The following MALRD1 variants were observed in gnomAD, a reference collection of about 807,000 sequenced individuals.
The protein encoded by MALRD1 is MAM and LDL-receptor class A domain-containing protein 1.
In MALRD1, 247 loss-of-function variants were observed where a neutral mutation model predicts 242.1. The observed-to-expected ratio is 1.02, with a 90% CI of 0.92 to 1.13. The LOEUF (loss-of-function observed/expected upper bound fraction) is 1.13, where lower values mean the gene tolerates loss of function less well. MALRD1 is among the 50% of genes most tolerant of loss of function. The pLI is 0.00. For missense variants in MALRD1, 2,989 were observed against 2,533.1 expected (o/e 1.18, Z -3.86); for synonymous variants, 995 against 866.6 (o/e 1.15, Z -2.60).
At chr10:19,081,879 C>T (rs188452205) in intron 2 of MALRD1, among the ~76,000 whole-genome samples, 2 of 152,034 alleles carry the variant, frequency 1.3e-5, no homozygotes, top group Non-Finnish European at 2.9e-5. Context: ...TTACTTTTAA[C>T]CTTTTTCTGT....
At chr10:19,516,296 T>C (rs969716292) in intron 31 of MALRD1, among the ~76,000 whole-genome samples, 21 of 152,230 alleles carry the variant, frequency 1.4e-4, no homozygotes, top group African/African-American at 4.8e-4. Flanking sequence ...CTCATTTTTT[T>C]CAGCCAATGT....
chr10:19,513,600 G>C (rs556649607), intron 31 of MALRD1, among the ~76,000 whole-genome samples: 1 of 151,928 alleles, frequency 6.6e-6, no homozygotes, highest in East Asian at 1.9e-4. Flanking sequence ...TTAGCCAGGC[G>C]TGGTAGCGGG....
At chr10:19,522,412 A>G (rs1833921944) in intron 31 of MALRD1, among the ~76,000 whole-genome samples, 1 of 152,082 alleles carries the variant, frequency 6.6e-6, no homozygotes, top group South Asian at 2.1e-4. Flanking sequence ...CTAAGATTGT[A>G]TTTACTGTTT....
At chr10:19,172,835 A>G (rs1368775114) in intron 13 of MALRD1, among the ~76,000 whole-genome samples, 1 of 151,978 alleles carries the variant, frequency 6.6e-6, no homozygotes, top group African/African-American at 2.4e-5. Context: ...AGCTGTCCAA[A>G]AAAATCACAG....
At chr10:19,565,487 T>A (rs764234610) in intron 32 of MALRD1, among the ~76,000 whole-genome samples, 67 of 152,296 alleles carry the variant, frequency 4.4e-4, no homozygotes, top group Admixed American at 5.2e-4. Flanking sequence ...TTTAAGTTAT[T>A]GGGATGTAAA....
chr10:19,064,694 C>T (rs572781535), intron 1 of MALRD1, among the ~76,000 whole-genome samples: 33 of 148,508 alleles, frequency 2.2e-4, no homozygotes, highest in African/African-American at 7.9e-4. Context: ...TCACTTTAAC[C>T]AGGAGGTGGA....
At chr10:19,353,044 T>G (rs1844465496) in intron 26 of MALRD1, among the ~76,000 whole-genome samples, 2 of 152,078 alleles carry the variant, frequency 1.3e-5, no homozygotes, top group Admixed American at 6.6e-5. Context: ...TGTAGCTCAG[T>G]CACCCACACT....
At chr10:19,351,976 C>A in intron 25 of MALRD1, 30 bp from the exon 26 acceptor site, 1 of 1,459,310 alleles carries the variant, frequency 6.9e-7, no homozygotes. Flanking sequence ...CTAATCATAT[C>A]GTATGTAATA....
At chr10:19,159,896 A>G (rs905103056) in intron 12 of MALRD1, among the ~76,000 whole-genome samples, 2 of 151,996 alleles carry the variant, frequency 1.3e-5, no homozygotes, top group African/African-American at 4.8e-5. Flanking sequence ...ATACATATAT[A>G]TTTTTTAAAA....
intron 12 of MALRD1, among the ~76,000 whole-genome samples, 152 bp from the exon 13 acceptor site, chr10:19,165,485 A>T (rs2131505176): frequency 6.6e-6 from 1 of 151,690 alleles, no homozygotes; most frequent in Non-Finnish European, 1.5e-5. Flanking sequence ...TTGTATTATT[A>T]GTAGAGATGG....
chr10:19,627,378 G>T (rs1358698606), intron 36 of MALRD1, among the ~76,000 whole-genome samples: 1 of 151,938 alleles, frequency 6.6e-6, no homozygotes, highest in Admixed American at 6.6e-5. Context: ...AAAGTATTCA[G>T]TGTGGTAAAA....
chr10:19,444,445 A>G (rs981600981), intron 28 of MALRD1, among the ~76,000 whole-genome samples: 4 of 152,176 alleles, frequency 2.6e-5, no homozygotes, highest in African/African-American at 7.2e-5. Flanking sequence ...AGTGCCTGGT[A>G]CCAGTCGTTC....
At chr10:19,206,226 T>C (rs530039229) in intron 17 of MALRD1, among the ~76,000 whole-genome samples, 11 of 152,140 alleles carry the variant, frequency 7.2e-5, no homozygotes, top group African/African-American at 1.7e-4. Context: ...TTAAGAAATT[T>C]CCATATACAT....
chr10:19,276,698 C>T (rs973017224), intron 19 of MALRD1, among the ~76,000 whole-genome samples: 2 of 151,856 alleles, frequency 1.3e-5, no homozygotes, highest in African/African-American at 2.4e-5. Flanking sequence ...ACGTTGGATC[C>T]GTCAGATTTC....
At chr10:19,602,228 G>A (rs1476019403) in intron 34 of MALRD1, among the ~76,000 whole-genome samples, 12 of 146,294 alleles carry the variant, frequency 8.2e-5, no homozygotes, top group South Asian at 6.5e-4. Flanking sequence ...TAAGTTCTGG[G>A]GTGCACGTGC....
intron 2 of MALRD1, among the ~76,000 whole-genome samples, chr10:19,080,698 A>G (rs566796726): frequency 1.4e-4 from 21 of 152,106 alleles, no homozygotes; most frequent in Non-Finnish European, 2.5e-4. Context: ...CATTCATGAC[A>G]TAGACACAAG....
At chr10:19,644,261 A>G (rs1840546869) in intron 36 of MALRD1, among the ~76,000 whole-genome samples, 1 of 152,202 alleles carries the variant, frequency 6.6e-6, no homozygotes, top group Non-Finnish European at 1.5e-5. Context: ...ATAGGTTTGT[A>G]GGTTCCCTAA....
intron 36 of MALRD1, among the ~76,000 whole-genome samples, chr10:19,620,019 AAATAAT>A (rs1554815284): frequency 3.4e-5 from 2 of 58,470 alleles, no homozygotes; most frequent in African/African-American, 7.2e-5. Context: ...TAATAATAAT[AAATAAT>A]AATAATAATA....
At position 19,380,087 on chromosome 10, in the gene MALRD1, G is replaced by A. The variant is rs1232024117; in HGVS notation, c.4442-7441G>A. Among the ~76,000 whole-genome samples, 3 of 149,218 alleles carry A rather than the reference G, an allele frequency of 2.0e-5. No homozygotes were observed. In the East Asian group the frequency reaches 5.9e-4, roughly 30 times the overall value. On this transcript the variant is annotated intron_variant, in intron 26 of 39. Coordinates refer to ENST00000454679, the MANE Select transcript of MALRD1 (RefSeq NM_001142308.3). The stretch of plus-strand genomic sequence containing the variant: ...CCTCCCAGGTTCCAGGAATTCTCCT[G>A]CCTTAGCCTCCCAAGTAGCTGGGAT...
Sources: allele counts gnomAD v4.1 joint callset (sites outside exome capture counted in the v4.1 genomes callset), GRCh38; gene constraint gnomAD v4.1.1; transcripts MANE v1.5; gene names NCBI Gene and HGNC (gene_info 2026-07-23, HGNC 2026-07-21).